AGAP3: variants seen among roughly 807,000 people sequenced by gnomAD.
The protein encoded by AGAP3 is ArfGAP with GTPase domain, ankyrin repeat and PH domain 3, also known as arf-GAP with GTPase, ANK repeat and PH domain-containing protein 3.
In AGAP3, 24 loss-of-function variants were observed where a neutral mutation model predicts 96.9. That is an observed-to-expected ratio of 0.25 (90% CI 0.18 to 0.35). The LOEUF is 0.35. Ranked by LOEUF, AGAP3 falls within the 10% of genes least tolerant of loss-of-function variation. The probability of loss-of-function intolerance (pLI) is 1.00; values close to 1 mark genes in which losing one functional copy is unlikely to be tolerated. For missense variants in AGAP3, 876 were observed against 1,254.2 expected (o/e 0.70, Z 4.55); for synonymous variants, 563 against 536.1 (o/e 1.05, Z -0.69).
chr7:151,120,778 A>T, intron 8 of AGAP3: 2 of 1,181,176 alleles, frequency 1.7e-6, no homozygotes, highest in African/African-American at 3.2e-5. Context: ...CTCCTCACTC[A>T]CCCCTCACAA....
intron 9 of AGAP3, among the ~76,000 whole-genome samples, chr7:151,126,412 A>AAGGCTGGGAAAGGCTGGGAG (rs1554469772): frequency 7.7e-5 from 5 of 65,060 alleles, no homozygotes; most frequent in Non-Finnish European, 1.2e-4. Flanking sequence ...TCTCCTGCTG[A>AAGGCTGGGAAAGGCTGGGAG]AGGCTGGGAG....
chr7:151,119,494 C>T (rs971619673), intron 7 of AGAP3, among the ~76,000 whole-genome samples: 10 of 152,202 alleles, frequency 6.6e-5, no homozygotes, highest in Non-Finnish European at 7.3e-5. Context: ...TCCCGGAATC[C>T]CTTTCCCTGC....
At chr7:151,106,734 C>G (rs775727018) in intron 1 of AGAP3, among the ~76,000 whole-genome samples, 25 of 152,168 alleles carry the variant, frequency 1.6e-4, no homozygotes, top group Non-Finnish European at 1.6e-4. Flanking sequence ...GCCTCAGGCT[C>G]AGGATTTGAA....
intron 11 of AGAP3, among the ~76,000 whole-genome samples, chr7:151,137,283 AC>A (rs1800634158): frequency 6.6e-6 from 1 of 152,100 alleles, no homozygotes; most frequent in Admixed American, 6.5e-5. Context: ...CTGCTTTCCC[AC>A]TAACCTCCAG....
intron 10 of AGAP3, among the ~76,000 whole-genome samples, chr7:151,129,474 C>T (rs116021032): frequency 0.01 from 1,546 of 152,248 alleles, 25 homozygotes; most frequent in African/African-American, 0.036. Context: ...CCAGACAGCC[C>T]TGCGGAGAAA....
intron 11 of AGAP3, among the ~76,000 whole-genome samples, chr7:151,134,803 G>T (rs1363591712): frequency 1.3e-5 from 2 of 152,196 alleles, no homozygotes; most frequent in African/African-American, 4.8e-5. Context: ...GCCAAGTAGT[G>T]TCATGTTTGG....
intron 12 of AGAP3, 102 bp downstream of exon 12, chr7:151,138,415 G>GC: frequency 7.3e-7 from 1 of 1,367,264 alleles, no homozygotes; most frequent in Non-Finnish European, 9.8e-7. Flanking sequence ...CAGTGGGACA[G>GC]TGTCCAGGCC....
Position 151,117,038 on chromosome 7 carries a change from G to T in AGAP3, c.391-57G>T, listed in dbSNP as rs184989798. On this transcript the variant is annotated intron_variant, in intron 2 of 17. Coordinates refer to ENST00000397238, the MANE Select transcript of AGAP3 (RefSeq NM_031946.7). ...TGCTGCTTCTTTGCTTTTCCTGCTG[G>T]GTCTTCTCCCTCGTGCCCTCTGCCC... 3.2e-4 allele frequency: 498 copies of T among 1,560,340 alleles called. 1 individual carries two copies. The Middle Eastern group carries it at 4.2e-3, about 13-fold the overall frequency.
intron 1 of AGAP3, among the ~76,000 whole-genome samples, chr7:151,103,163 C>A (rs1363954104): frequency 1.3e-5 from 2 of 152,336 alleles, no homozygotes; most frequent in East Asian, 3.9e-4. Flanking sequence ...TTTGGAGCAT[C>A]CCTACAGGGT....
At chr7:151,122,097 C>T (rs1183707027) in intron 8 of AGAP3, among the ~76,000 whole-genome samples, 1 of 152,210 alleles carries the variant, frequency 6.6e-6, no homozygotes. Context: ...CCTCTTGGCT[C>T]ACAATCTGGC....
chr7:151,115,614 G>T, intron 1 of AGAP3: 1 of 1,167,790 alleles, frequency 8.6e-7, no homozygotes, highest in Non-Finnish European at 1.1e-6. Flanking sequence ...GGCGGCTGCG[G>T]CCCCGGAGCT....
Position 151,134,548 on chromosome 7 carries a change from C to A in AGAP3, c.1475C>A (p.Thr492Lys). 2.5e-6 allele frequency: 4 copies of A among 1,611,878 alleles called. No individual in the cohort carries two copies. Among genetic ancestry groups the A allele is most frequent in the Non-Finnish European group, 3.4e-6 (4 of 1,179,312 alleles). Residue 492 changes from threonine to lysine, a missense_variant, in exon 11 of 18, where the codon ACA becomes AAA. By Grantham distance (78) the Thr-to-Lys change is moderately conservative. This residue lies in a region of AGAP3 where 155 missense variants were observed against 144.4 expected (regional missense o/e 1.07). Coordinates refer to ENST00000397238, the MANE Select transcript of AGAP3 (RefSeq NM_031946.7). ...ANGLSVERSNTQLGGGTGAPH... is the reference protein window; with the variant it reads ...ANGLSVERSNKQLGGGTGAPH... ...GGGCTGTCCGTGGAGCGGAGTAACA[C>A]ACAGCTGGGTGGGGGCACAGGTGAG...
chr7:151,121,670 G>T (rs1288687520), intron 8 of AGAP3, among the ~76,000 whole-genome samples: 1 of 152,102 alleles, frequency 6.6e-6, no homozygotes, highest in Non-Finnish European at 1.5e-5. Context: ...CCTCCCTCCT[G>T]GCTGCTCACG....
Position 151,114,657 on chromosome 7 carries a change from G to C in AGAP3, c.332-2136G>C. 7 of 949,312 alleles carry C rather than the reference G, an allele frequency of 7.4e-6. No homozygotes were observed. Among genetic ancestry groups the C allele is most frequent in the Non-Finnish European group, 7.5e-6 (6 of 795,514 alleles). 58.8% of individuals were successfully genotyped at this position (949,312 alleles called of 1,614,324 possible). ...GTGGAGGAGTTGAGGGACTCGGTCG[G>C]CCCACACCAGGTGCCCAGAGGCCGG... On this transcript the variant is annotated intron_variant, in intron 1 of 17. Transcript: ENST00000397238. The surrounding 1 kb of genome is among the most constrained non-coding windows in gnomAD (Gnocchi z 4.4).
rs1800728462 is a variant in AGAP3 at position 151,139,256 on chromosome 7, T to C, written c.1667-723T>C. ...CTGAGGCCCAGCCTCTGAGCTGCCA[T>C]GGCCTCAGGAGCACGGGCTGAGGGA... On this transcript the variant is annotated intron_variant, in intron 12 of 17. Transcript: ENST00000397238. The surrounding 1 kb of genome is among the most constrained non-coding windows in gnomAD (Gnocchi z 4.9). Among the ~76,000 whole-genome samples, 1 of 152,188 alleles carries C rather than the reference T, an allele frequency of 6.6e-6. No individual in the cohort carries two copies. Among genetic ancestry groups the C allele is most frequent in the Non-Finnish European group, 1.5e-5 (1 of 68,028 alleles).
chr7:151,134,577 G>C lies in AGAP3; in HGVS notation c.1495+9G>C. 1 of 1,597,074 alleles carries C rather than the reference G, an allele frequency of 6.3e-7. No individual in the cohort carries two copies. The highest frequency in any genetic ancestry group is 8.5e-7 in the Non-Finnish European group (1 of 1,169,832). Reference sequence around the variant, plus strand: ...GCTGGGTGGGGGCACAGGTGAGGCGGCTGCTGAGGTGGGGGCCTGGGGGGT... The same window carrying C: ...GCTGGGTGGGGGCACAGGTGAGGCGCCTGCTGAGGTGGGGGCCTGGGGGGT... On this transcript the variant is annotated intron_variant, in intron 11 of 17. Coordinates refer to ENST00000397238, the MANE Select transcript of AGAP3 (RefSeq NM_031946.7).
At position 151,114,523 on chromosome 7, in the gene AGAP3, C is replaced by A. The variant is rs958677334; in HGVS notation, c.332-2270C>A. The stretch of plus-strand genomic sequence containing the variant: ...CAGGGGCTGCCCCAGCAGGCCGGCT[C>A]CCCCGCGCCGCGCCGCCGTTCCCGG... On this transcript the variant is annotated intron_variant, in intron 1 of 17. Transcript: ENST00000397238. The surrounding 1 kb of genome is among the most constrained non-coding windows in gnomAD (Gnocchi z 4.4). Among the ~76,000 whole-genome samples, 1 of 152,182 alleles carries A rather than the reference C, an allele frequency of 6.6e-6. No individual in the cohort carries two copies. Among genetic ancestry groups the A allele is most frequent in the African/African-American group, 2.4e-5 (1 of 41,446 alleles).
rs1252568626 is a variant in AGAP3 at position 151,126,325 on chromosome 7, C to T, written c.1222-2255C>T. Among the ~76,000 whole-genome samples, 3 of 151,696 alleles carry T rather than the reference C, an allele frequency of 2.0e-5. No homozygotes were observed. In the East Asian group the frequency reaches 5.9e-4, roughly 30 times the overall value. On this transcript the variant is annotated intron_variant, in intron 9 of 17. Coordinates refer to ENST00000397238, the MANE Select transcript of AGAP3 (RefSeq NM_031946.7). ...GCAGTGCAGGCCTTGAGGGGCTCCA[C>T]CTTCCAGGCCGCTGGAGATGGGAGC...
chr7:151,109,239 T>TA (rs59089786), intron 1 of AGAP3, among the ~76,000 whole-genome samples: 38,366 of 151,784 alleles, frequency 0.25, 5,330 homozygotes, highest in Middle Eastern at 0.37. Flanking sequence ...GTTGCATGCC[T>TA]AAAGTCCCAG....
Sources: gnomAD v4.1 joint callset for allele counts (sites outside exome capture counted in the v4.1 genomes callset) on GRCh38, gnomAD v4.1.1 for gene constraint, gnomAD v4.1.1 regional missense constraint, Gnocchi (gnomAD v3.1) non-coding constraint, MANE v1.5 for transcripts, NCBI Gene and HGNC (gene_info 2026-07-23, HGNC 2026-07-21) for gene names.